Variants in QTMAN observed in about 807,000 individuals in gnomAD.
QTMAN encodes the protein tRNA-queuosine alpha-mannosyltransferase.
chr2:144,199,654 T>C, the QTMAN span, among the ~76,000 whole-genome samples: 3 of 152,176 alleles, frequency 2.0e-5, no homozygotes, highest in South Asian at 2.1e-4. Context: ...GTTGAATATA[T>C]ATATATTTTA....
chr2:144,120,001 A>G, the QTMAN span, among the ~76,000 whole-genome samples: 2 of 152,234 alleles, frequency 1.3e-5, no homozygotes, highest in Admixed American at 1.3e-4. Flanking sequence ...CTGTTATTAT[A>G]TATCATTAGG....
At chr2:144,036,620 A>G in the QTMAN span, among the ~76,000 whole-genome samples, 2 of 152,196 alleles carry the variant, frequency 1.3e-5, no homozygotes, top group Non-Finnish European at 2.9e-5. Context: ...AAAAGAAGGT[A>G]CCTACATATT....
At chr2:144,161,501 G>A in the QTMAN span, among the ~76,000 whole-genome samples, 5 of 152,236 alleles carry the variant, frequency 3.3e-5, no homozygotes, top group Non-Finnish European at 7.4e-5. Context: ...ATCTAATCAT[G>A]TTACTGATAG....
At chr2:144,164,405 T>A in the QTMAN span, among the ~76,000 whole-genome samples, 1 of 152,254 alleles carries the variant, frequency 6.6e-6, no homozygotes, top group East Asian at 1.9e-4. Flanking sequence ...ACCATTATTA[T>A]TATTAAATTG....
At chr2:144,017,682 C>T in the QTMAN span, among the ~76,000 whole-genome samples, 1,225 of 152,208 alleles carry the variant, frequency 8.0e-3, 14 homozygotes, top group African/African-American at 0.028. Context: ...ATTATGTTTC[C>T]ATGTTGCTTG....
the QTMAN span, among the ~76,000 whole-genome samples, chr2:144,062,086 G>A: frequency 6.6e-6 from 1 of 152,160 alleles, no homozygotes; most frequent in African/African-American, 2.4e-5. Context: ...GGATGCACTA[G>A]GTGGAGGAAC....
At chr2:143,992,657 G>A in the QTMAN span, among the ~76,000 whole-genome samples, 1 of 152,096 alleles carries the variant, frequency 6.6e-6, no homozygotes, top group South Asian at 2.1e-4. Context: ...AACAATAACT[G>A]GGAGATAAAA....
the QTMAN span, among the ~76,000 whole-genome samples, chr2:144,317,005 C>T: frequency 0.027 from 4,068 of 152,272 alleles, 172 homozygotes; most frequent in African/African-American, 0.093. Flanking sequence ...AAATGTCTTA[C>T]TCAATGTCTG....
the QTMAN span, among the ~76,000 whole-genome samples, chr2:144,153,645 C>T: frequency 6.6e-6 from 1 of 152,226 alleles, no homozygotes; most frequent in East Asian, 1.9e-4. Flanking sequence ...GAGCCGAGAT[C>T]GCACCACTGC....
At chr2:144,261,048 T>G in the QTMAN span, among the ~76,000 whole-genome samples, 8 of 152,338 alleles carry the variant, frequency 5.3e-5, no homozygotes, top group East Asian at 1.5e-3. Context: ...TCTCTCACTC[T>G]GCTTTATTGT....
chr2:144,307,022 G>T, the QTMAN span, among the ~76,000 whole-genome samples: 32 of 151,728 alleles, frequency 2.1e-4, no homozygotes, highest in African/African-American at 7.3e-4. Flanking sequence ...TTAGCTGGGC[G>T]TGGTGGTGCA....
At chr2:144,083,590 T>C in the QTMAN span, among the ~76,000 whole-genome samples, 7 of 152,218 alleles carry the variant, frequency 4.6e-5, no homozygotes, top group Non-Finnish European at 1.0e-4. Context: ...GAAATATTAC[T>C]GGAGGAGGAT....
chr2:143,990,280 C>G, the QTMAN span, among the ~76,000 whole-genome samples: 6 of 152,032 alleles, frequency 3.9e-5, no homozygotes, highest in Admixed American at 3.3e-4. Flanking sequence ...GACAGACATT[C>G]TTAATTTGGG....
At chr2:144,002,098 G>A in the QTMAN span, among the ~76,000 whole-genome samples, 1 of 151,938 alleles carries the variant, frequency 6.6e-6, no homozygotes, top group African/African-American at 2.4e-5. Context: ...GGTGAATAAA[G>A]CTGCTGTTGC....
chr2:144,331,850 G>C, the QTMAN span, among the ~76,000 whole-genome samples: 1 of 152,226 alleles, frequency 6.6e-6, no homozygotes, highest in East Asian at 1.9e-4. Flanking sequence ...GGCTGGCAGA[G>C]AGGAGTGGGG....
chr2:144,192,479 AG>A, the QTMAN span, among the ~76,000 whole-genome samples: 300 of 152,316 alleles, frequency 2.0e-3, 3 homozygotes, highest in African/African-American at 6.9e-3. Flanking sequence ...TCCAATGAGC[AG>A]GTTAGGTATC....
chr2:144,227,649 A>G, the QTMAN span, among the ~76,000 whole-genome samples: 1 of 152,178 alleles, frequency 6.6e-6, no homozygotes, highest in Non-Finnish European at 1.5e-5. Flanking sequence ...AAACATAACA[A>G]TACCAACACA....
At chr2:144,331,649 G>C in the QTMAN span, among the ~76,000 whole-genome samples, 1 of 152,142 alleles carries the variant, frequency 6.6e-6, no homozygotes, top group African/African-American at 2.4e-5. Flanking sequence ...GTATGTGCGA[G>C]AGAAGGCAAA....
At chr2:144,238,963 C>A in the QTMAN span, among the ~76,000 whole-genome samples, 2 of 151,890 alleles carry the variant, frequency 1.3e-5, no homozygotes, top group Non-Finnish European at 2.9e-5. Flanking sequence ...AGATTATAAA[C>A]CTCCAGCCTC....
Sources: gnomAD v4.1 joint callset for allele counts (sites outside exome capture counted in the v4.1 genomes callset) on GRCh38, gnomAD v4.1.1 for gene constraint, MANE v1.5 for transcripts, NCBI Gene and HGNC (gene_info 2026-07-23, HGNC 2026-07-21) for gene names.